The following SLC25A48 variants were observed in gnomAD, a reference collection of about 807,000 sequenced individuals.
SLC25A48 encodes the protein CTC-321K16.1.
In SLC25A48, 29 loss-of-function variants were observed where a neutral mutation model predicts 32.2. The observed-to-expected ratio is 0.90, with a 90% CI of 0.67 to 1.23. The LOEUF is 1.23. Ranked by LOEUF, SLC25A48 falls within the 50% of genes most tolerant of loss-of-function variation. SLC25A48 has a pLI of 0.00. For missense variants in SLC25A48, 399 were observed against 422.7 expected, an observed-to-expected ratio of 0.94 and a Z score of 0.49; for synonymous variants, 164 against 172.3, an observed-to-expected ratio of 0.95 and a Z score of 0.38.
chr5:135,871,404 A>G, intron 4 of SLC25A48, 57 bp from the exon 5 acceptor site: 1 of 1,529,340 alleles, frequency 6.5e-7, no homozygotes, highest in Non-Finnish European at 8.8e-7. Flanking sequence ...GTGTCACGGA[A>G]TGTCCAGTCT....
chr5:135,731,781 G>A (rs1755230621), intron 3 of SLC25A48, among the ~76,000 whole-genome samples: 1 of 152,274 alleles, frequency 6.6e-6, no homozygotes, highest in South Asian at 2.1e-4. Flanking sequence ...GCATGGCCCT[G>A]CCAGCAAAGA....
At chr5:135,864,389 C>T (rs1220682330) in intron 4 of SLC25A48, among the ~76,000 whole-genome samples, 1 of 152,120 alleles carries the variant, frequency 6.6e-6, no homozygotes, top group African/African-American at 2.4e-5. Context: ...GCAGATTTTC[C>T]AAGACTTTCC....
intron 6 of SLC25A48, among the ~76,000 whole-genome samples, chr5:135,878,095 C>T (rs1762185405): frequency 6.6e-6 from 1 of 152,200 alleles, no homozygotes; most frequent in Non-Finnish European, 1.5e-5. Flanking sequence ...GTCTGGAGGT[C>T]ATATGCTCTG....
chr5:135,618,453 A>T (rs1353175824), intron 1 of SLC25A48, among the ~76,000 whole-genome samples: 2 of 151,996 alleles, frequency 1.3e-5, no homozygotes, highest in African/African-American at 4.8e-5. Context: ...CTGTTATTTA[A>T]AAAGTTGATT....
At chr5:135,705,464 G>A (rs2126969633) in intron 3 of SLC25A48, among the ~76,000 whole-genome samples, 1 of 152,334 alleles carries the variant, frequency 6.6e-6, no homozygotes, top group African/African-American at 2.4e-5. Flanking sequence ...TATATGCAAG[G>A]TGATTAGCAC....
At chr5:135,768,777 C>A (rs1321032760) in intron 3 of SLC25A48, among the ~76,000 whole-genome samples, 1 of 151,670 alleles carries the variant, frequency 6.6e-6, no homozygotes, top group East Asian at 1.9e-4. Flanking sequence ...TGGGCTTGTA[C>A]AACCCCTTGT....
chr5:135,797,802 C>T (rs1179869819), intron 3 of SLC25A48, among the ~76,000 whole-genome samples: 3 of 151,758 alleles, frequency 2.0e-5, no homozygotes, highest in African/African-American at 7.3e-5. Context: ...TACACCAGCC[C>T]TGTGATATTG....
intron 3 of SLC25A48, among the ~76,000 whole-genome samples, chr5:135,742,292 G>A (rs1207698264): frequency 1.3e-5 from 2 of 152,180 alleles, no homozygotes; most frequent in Non-Finnish European, 2.9e-5. Context: ...TGTTGGCCAG[G>A]CTGATCTCAA....
At chr5:135,837,587 C>T (rs1261291349) in intron 1 of SLC25A48, among the ~76,000 whole-genome samples, 2 of 152,150 alleles carry the variant, frequency 1.3e-5, no homozygotes, top group African/African-American at 4.8e-5. Context: ...GGGAGGGACC[C>T]CTGTGGGAGG....
chr5:135,734,676 G>A (rs1025576446), intron 3 of SLC25A48, among the ~76,000 whole-genome samples: 4 of 152,048 alleles, frequency 2.6e-5, no homozygotes, highest in Admixed American at 6.5e-5. Flanking sequence ...AATTAGCCGG[G>A]CGCAGAGGCA....
chr5:135,879,135 G>A (rs763634741), intron 6 of SLC25A48, among the ~76,000 whole-genome samples: 34 of 152,084 alleles, frequency 2.2e-4, no homozygotes, highest in Non-Finnish European at 3.2e-4. Flanking sequence ...TAGCAAAGGC[G>A]GAGTTCATCA....
At chr5:135,771,978 C>T (rs1756425349) in intron 3 of SLC25A48, among the ~76,000 whole-genome samples, 1 of 150,468 alleles carries the variant, frequency 6.6e-6, no homozygotes, top group Admixed American at 6.7e-5. Context: ...AGGGTGATAT[C>T]ACTCCCAATA....
chr5:135,648,624 G>C (rs1253115163), intron 3 of SLC25A48: 1 of 152,214 alleles, frequency 6.6e-6, no homozygotes, highest in Non-Finnish European at 1.5e-5. Flanking sequence ...AATTTCTCTA[G>C]CTTAAGGGCC....
intron 3 of SLC25A48, among the ~76,000 whole-genome samples, chr5:135,747,405 T>A (rs1056870751): frequency 6.6e-6 from 1 of 152,066 alleles, no homozygotes. Context: ...TGGTCAATTT[T>A]TCCCCCCAAG....
intron 3 of SLC25A48, among the ~76,000 whole-genome samples, chr5:135,694,821 A>G (rs1465451408): frequency 1.3e-5 from 2 of 152,146 alleles, no homozygotes; most frequent in East Asian, 1.9e-4. Context: ...TCCTGACCTC[A>G]GGTGATCCAC....
rs1198779573 is a variant in SLC25A48, at chr5:135,862,123, G to A, written c.421+9302G>A. On this transcript the variant is annotated intron_variant, in intron 4 of 7. Transcript: ENST00000681962. ...TGAGCCTAACTAGGTGGCCTGTTGG[G>A]CATAAGCCTAACTAGGTGGCCTGTT... is the stretch of plus-strand genomic sequence containing the variant. Among the ~76,000 whole-genome samples, 35 of 152,142 alleles carry A rather than the reference G, an allele frequency of 2.3e-4. 1 individual carries two copies. The highest frequency in any genetic ancestry group is 2.3e-3 in the Admixed American group (35 of 15,276).
intron 6 of SLC25A48, chr5:135,874,964 T>C: frequency 2.4e-6 from 1 of 413,698 alleles, no homozygotes; most frequent in Non-Finnish European, 4.2e-6. Context: ...AGCAGCTTCA[T>C]GTCTCAGGGC....
intron 7 of SLC25A48, among the ~76,000 whole-genome samples, chr5:135,883,716 A>T (rs1762625225): frequency 2.0e-5 from 3 of 152,202 alleles, no homozygotes; most frequent in Admixed American, 2.0e-4. Flanking sequence ...GAGCAGTGGC[A>T]CACGTTGGTG....
chr5:135,705,198 C>T (rs1001912920), intron 3 of SLC25A48, among the ~76,000 whole-genome samples: 1 of 150,886 alleles, frequency 6.6e-6, no homozygotes, highest in Admixed American at 6.6e-5. Context: ...TCCATTCAGG[C>T]CTGCATTTTT....
Sources: allele counts gnomAD v4.1 joint callset (sites outside exome capture counted in the v4.1 genomes callset), GRCh38; gene constraint gnomAD v4.1.1; transcripts MANE v1.5; gene names NCBI Gene and HGNC (gene_info 2026-07-23, HGNC 2026-07-21).